CHRM2: variants seen among roughly 807,000 people sequenced by gnomAD.
The protein encoded by CHRM2 is muscarinic acetylcholine receptor M2.
CHRM2 carries 8 observed loss-of-function variants against 25.0 expected under a neutral mutation model. That is an observed-to-expected ratio of 0.32 (90% CI 0.19 to 0.58). CHRM2 has a LOEUF of 0.58. Among genes scored for constraint, CHRM2 ranks in the 20% least tolerant of loss-of-function variants. The probability of loss-of-function intolerance (pLI) is 0.88; values close to 1 mark genes in which losing one functional copy is unlikely to be tolerated. For synonymous variants in CHRM2, 202 were observed against 205.7 expected, an observed-to-expected ratio of 0.98 and a Z score of 0.15; for missense variants, 440 against 567.1, an observed-to-expected ratio of 0.78 and a Z score of 2.28.
In CHRM2 at chr7:137,015,994, C is replaced by G; in HGVS notation, c.1129C>G (p.Pro377Ala). Residue 377 changes from proline (P) to alanine (A), a missense_variant, in exon 4 of 4, where the codon CCT (proline) becomes GCT (alanine). This residue lies in a region of CHRM2 where 261 missense variants were observed against 261.8 expected (regional missense o/e 1.00). Transcript: ENST00000680005. The surrounding 1 kb of genome is among the most constrained non-coding windows in gnomAD (Gnocchi z 5.1). ...KMTKQPAKKKPPPSREKKVTR... is the reference protein window; with the variant it reads ...KMTKQPAKKKAPPSREKKVTR... ...GACTAAGCAGCCTGCAAAAAAGAAG[C>G]CTCCTCCTTCCCGGGAAAAGAAAGT... The G allele has an allele frequency of 6.2e-7, 1 of 1,613,082 alleles. No homozygotes were observed. The highest frequency in any genetic ancestry group is 1.7e-4 in the Middle Eastern group (1 of 6,050).
At chr7:136,893,564 G>A (rs892477839) in intron 2 of CHRM2, among the ~76,000 whole-genome samples, 8 of 152,024 alleles carry the variant, frequency 5.3e-5, no homozygotes, top group East Asian at 1.9e-4. Context: ...TCATTAAGAC[G>A]TTGTACCTCA....
chr7:136,925,169 T>C (rs991395950), intron 2 of CHRM2, among the ~76,000 whole-genome samples: 1 of 152,176 alleles, frequency 6.6e-6, no homozygotes, highest in Non-Finnish European at 1.5e-5. Context: ...GTGCTGACTG[T>C]AAAATGACCG....
intron 2 of CHRM2, among the ~76,000 whole-genome samples, chr7:136,913,108 T>C (rs1483445434): frequency 6.6e-6 from 1 of 151,974 alleles, no homozygotes; most frequent in Non-Finnish European, 1.5e-5. Flanking sequence ...CTACTGCATT[T>C]ATAATACATT....
chr7:136,884,624 A>G (rs2130524927), intron 2 of CHRM2, among the ~76,000 whole-genome samples: 1 of 152,260 alleles, frequency 6.6e-6, no homozygotes, highest in South Asian at 2.1e-4. Context: ...ATTCACAATT[A>G]GGTGATAGAA....
rs544273675 is a variant in CHRM2, at chr7:136,920,071, T to TCTTATATGGTGACATTTCAAC, written c.-125+50679_-125+50699dup. 1.7e-3 allele frequency among the ~76,000 whole-genome samples: 255 copies of TCTTATATGGTGACATTTCAAC among 152,142 alleles called. 2 individuals are homozygous for TCTTATATGGTGACATTTCAAC. Among genetic ancestry groups the TCTTATATGGTGACATTTCAAC allele is most frequent in the African/African-American group, 5.3e-3 (221 of 41,470 alleles). On this transcript the variant is annotated intron_variant, in intron 2 of 3. Coordinates refer to ENST00000680005, the MANE Select transcript of CHRM2 (RefSeq NM_001006630.2). ...ATGCAGAAATATGGTGACATTTCAA[T>TCTTATATGGTGACATTTCAAC]CTTATATGGTGACATTTCAACCTTA...
chr7:136,905,310 A>C (rs912839083), intron 2 of CHRM2, among the ~76,000 whole-genome samples: 1 of 151,808 alleles, frequency 6.6e-6, no homozygotes, highest in Non-Finnish European at 1.5e-5. Flanking sequence ...ACATGCACAC[A>C]AAATGCACTC....
intron 3 of CHRM2, among the ~76,000 whole-genome samples, chr7:137,002,420 T>C (rs1054553929): frequency 2.0e-5 from 3 of 152,192 alleles, no homozygotes; most frequent in African/African-American, 7.2e-5. Context: ...GAAATTTTTC[T>C]TTAGTCCCTC....
intron 2 of CHRM2, among the ~76,000 whole-genome samples, chr7:136,932,444 C>A (rs1290258629): frequency 3.3e-5 from 5 of 152,156 alleles, no homozygotes. Flanking sequence ...CCTACCCAAT[C>A]TTTTCTAGTC....
At chr7:136,881,660 T>C (rs1041008020) in intron 2 of CHRM2, among the ~76,000 whole-genome samples, 1 of 152,058 alleles carries the variant, frequency 6.6e-6, no homozygotes, top group Non-Finnish European at 1.5e-5. Flanking sequence ...TAGCATCTTG[T>C]AGTTTTTAAC....
chr7:136,985,771 A>G (rs1242877169), intron 2 of CHRM2, among the ~76,000 whole-genome samples: 1 of 152,130 alleles, frequency 6.6e-6, no homozygotes, highest in African/African-American at 2.4e-5. Flanking sequence ...CAGACGACCA[A>G]TATTAAGGTA....
At chr7:136,947,031 C>T (rs758608538) in intron 2 of CHRM2, among the ~76,000 whole-genome samples, 3 of 152,152 alleles carry the variant, frequency 2.0e-5, no homozygotes, top group East Asian at 1.9e-4. Flanking sequence ...TTGAAATATT[C>T]GTCCAGATAA....
chr7:137,002,955 G>T (rs1383372448), intron 3 of CHRM2, among the ~76,000 whole-genome samples: 1 of 152,020 alleles, frequency 6.6e-6, no homozygotes, highest in Non-Finnish European at 1.5e-5. Flanking sequence ...TATTGTCAAT[G>T]GTAGATTTTA....
intron 2 of CHRM2, chr7:136,914,192 G>A (rs1797985739): frequency 6.6e-6 from 1 of 151,840 alleles, no homozygotes; most frequent in Middle Eastern, 3.2e-3. Context: ...CCCAGTCTGT[G>A]CAATTTTTCT....
chr7:136,956,843 CTCTCT>C (rs1187043176), intron 2 of CHRM2, among the ~76,000 whole-genome samples: 1 of 150,780 alleles, frequency 6.6e-6, no homozygotes, highest in Non-Finnish European at 1.5e-5. Context: ...TTTTTCCTCT[CTCTCT>C]TATTATTACA....
intron 2 of CHRM2, among the ~76,000 whole-genome samples, chr7:136,904,535 G>C (rs946998599): frequency 6.6e-6 from 1 of 151,512 alleles, no homozygotes; most frequent in Non-Finnish European, 1.5e-5. Context: ...TTTTGCCAGA[G>C]TTTTGTGGCT....
At chr7:136,991,328 A>G (rs1803211694) in intron 2 of CHRM2, among the ~76,000 whole-genome samples, 1 of 152,092 alleles carries the variant, frequency 6.6e-6, no homozygotes, top group South Asian at 2.1e-4. Flanking sequence ...GTCTGTGCTT[A>G]GATTCATTGG....
chr7:137,000,490 G>A (rs952793659), intron 3 of CHRM2, among the ~76,000 whole-genome samples: 4 of 141,938 alleles, frequency 2.8e-5, no homozygotes, highest in African/African-American at 1.0e-4. Flanking sequence ...GTGAGCCACC[G>A]CGCCTAGTCT....
intron 2 of CHRM2, chr7:136,898,632 G>C (rs1215364857): frequency 2.0e-5 from 3 of 151,954 alleles, no homozygotes; most frequent in African/African-American, 7.2e-5. Context: ...CAAGGTTAGA[G>C]AAAGAAGTTG....
intron 2 of CHRM2, among the ~76,000 whole-genome samples, chr7:136,991,543 C>G (rs1345658300): frequency 2.0e-5 from 3 of 152,076 alleles, no homozygotes; most frequent in Non-Finnish European, 2.9e-5. Context: ...CAGCTTTACA[C>G]ATATTTTTAC....
Sources: allele counts gnomAD v4.1 joint callset (sites outside exome capture counted in the v4.1 genomes callset), GRCh38; gene constraint gnomAD v4.1.1; regional missense constraint gnomAD v4.1.1; non-coding constraint Gnocchi (gnomAD v3.1); transcripts MANE v1.5; gene names NCBI Gene and HGNC (gene_info 2026-07-23, HGNC 2026-07-21).